Variants in ST18 observed in about 807,000 individuals in gnomAD.
ST18 encodes the protein suppression of tumorigenicity 18 protein.
In ST18, 50 loss-of-function variants were observed where a neutral mutation model predicts 110.0. The observed-to-expected ratio is 0.45, with a 90% CI of 0.36 to 0.58. The LOEUF is 0.58. Among genes scored for constraint, ST18 ranks in the 20% least tolerant of loss-of-function variants. ST18 has a pLI of 0.00. For missense variants in ST18, 1,306 were observed against 1,280.1 expected, an observed-to-expected ratio of 1.02 and a Z score of -0.31; for synonymous variants, 461 against 452.4, an observed-to-expected ratio of 1.02 and a Z score of -0.24.
At chr8:52,358,791 G>T (rs1824326803) in intron 2 of ST18, among the ~76,000 whole-genome samples, 1 of 151,650 alleles carries the variant, frequency 6.6e-6, no homozygotes, top group African/African-American at 2.4e-5. Context: ...ATTTAAAGAA[G>T]AATTAACCCC....
At position 52,133,147 on chromosome 8, in the gene ST18, G is replaced by A. The variant is rs2050417190; in HGVS notation, c.2364-10C>T. 1 of 1,613,992 alleles carries A rather than the reference G, an allele frequency of 6.2e-7. No homozygotes were observed. Among genetic ancestry groups the A allele is most frequent in the African/African-American group, 1.3e-5 (1 of 74,882 alleles). ...AGGGCATCCGGACAAGCTGAAATAGGGACCCGACAAAGAACAAAGCAAAAT... is the reference window on the plus strand; with the variant it reads ...AGGGCATCCGGACAAGCTGAAATAGAGACCCGACAAAGAACAAAGCAAAAT... On this transcript the variant is annotated splice_polypyrimidine_tract_variant and intron_variant, in intron 20 of 25. Coordinates refer to ENST00000689386, the MANE Select transcript of ST18 (RefSeq NM_001352837.2).
At position 52,271,182 on chromosome 8, in the gene ST18, T is replaced by C. The variant is rs532298424; in HGVS notation, c.-464-41105A>G. On this transcript the variant is annotated intron_variant, in intron 2 of 25. Transcript: ENST00000689386. ...CAAATAGGGTTATACATTTTTAAAG[T>C]CTCTTTCCTTATTTATAATTATCTC... Among the ~76,000 whole-genome samples the C allele has an allele frequency of 3.3e-5, 5 of 152,288 alleles. No homozygotes were observed. The East Asian group carries it at 9.7e-4, about 29-fold the overall frequency.
chr8:52,110,928 G>C lies in ST18; in HGVS notation c.*2270C>G, dbSNP rs2040367618. 7.6e-6 allele frequency: 3 copies of C among 396,760 alleles called. No homozygotes were observed. The highest frequency in any genetic ancestry group is 1.3e-5 in the Non-Finnish European group (3 of 224,856). The allele number at this position is 396,760 out of a possible 1,614,324, so 24.6% of individuals were successfully genotyped here. On this transcript the variant is annotated 3_prime_UTR_variant, in exon 26 of 26. Coordinates refer to ENST00000689386, the MANE Select transcript of ST18 (RefSeq NM_001352837.2). ...TGATGTAAGAAATATTAAGTGTTTG[G>C]AGAAACAGTATACAAACAAACTACC...
At chr8:52,156,978 G>T (rs775088352) in intron 15 of ST18, among the ~76,000 whole-genome samples, 3 of 152,138 alleles carry the variant, frequency 2.0e-5, no homozygotes, top group African/African-American at 7.2e-5. Flanking sequence ...CTGCGGTTAA[G>T]ACTTGGTTGG....
In ST18 at chr8:52,292,461, T is replaced by C. The variant is rs146239171; in HGVS notation, c.-464-62384A>G. Among the ~76,000 whole-genome samples, 92 of 152,320 alleles carry C rather than the reference T, an allele frequency of 6.0e-4. 3 individuals are homozygous for C. The East Asian group carries it at 0.014, about 23-fold the overall frequency. Reference sequence around the variant, plus strand: ...TGTGCATGAACTATCTGCTAGGAGATGTGATGATACTAGAAGATATTATTT... The same window carrying C: ...TGTGCATGAACTATCTGCTAGGAGACGTGATGATACTAGAAGATATTATTT... On this transcript the variant is annotated intron_variant, in intron 2 of 25. Transcript: ENST00000689386.
chr8:52,263,271 T>C (rs2094755120), intron 2 of ST18, among the ~76,000 whole-genome samples: 1 of 152,226 alleles, frequency 6.6e-6, no homozygotes, highest in South Asian at 2.1e-4. Context: ...CAGGTAGATA[T>C]ACAGATAGCT....
At chr8:52,223,215 G>A (rs1270281554) in intron 3 of ST18, among the ~76,000 whole-genome samples, 1 of 152,118 alleles carries the variant, frequency 6.6e-6, no homozygotes, top group East Asian at 1.9e-4. Flanking sequence ...GTGCTACAAG[G>A]TAATGAGTCT....
chr8:52,133,932 T>A (rs2050896142), intron 19 of ST18, among the ~76,000 whole-genome samples: 1 of 152,130 alleles, frequency 6.6e-6, no homozygotes, highest in Non-Finnish European at 1.5e-5. Context: ...GGTTTCACCA[T>A]GTTGGCCAGG....
intron 8 of ST18, among the ~76,000 whole-genome samples, chr8:52,180,670 A>T (rs2069079336): frequency 6.7e-6 from 1 of 149,520 alleles, no homozygotes; most frequent in African/African-American, 2.4e-5. Flanking sequence ...ACCAGATACA[A>T]AAAAAAAATG....
chr8:52,186,444 T>C (rs544028640), intron 8 of ST18, among the ~76,000 whole-genome samples: 1 of 152,286 alleles, frequency 6.6e-6, no homozygotes, highest in East Asian at 1.9e-4. Context: ...CTCAGGCAAC[T>C]GGAACGCTCA....
At chr8:52,161,299 C>T in intron 14 of ST18, 76 bp downstream of exon 14, 1 of 1,474,874 alleles carries the variant, frequency 6.8e-7, no homozygotes, top group Non-Finnish European at 9.2e-7. Context: ...AAGTACAGCC[C>T]CCTGGCCCCC....
chr8:52,382,877 G>A lies in ST18; in HGVS notation c.-465+26451C>T, dbSNP rs545661103. On this transcript the variant is annotated intron_variant, in intron 2 of 25. Coordinates refer to ENST00000689386, the MANE Select transcript of ST18 (RefSeq NM_001352837.2). ...AGGAGAGATGGCTCTCGGGGGACAC[G>A]CCCTAGGGAAGTGGACATTCTGTGA... Among the ~76,000 whole-genome samples the A allele has an allele frequency of 3.3e-5, 5 of 151,852 alleles. No homozygotes were observed. In the South Asian group the frequency reaches 8.4e-4, roughly 25 times the overall value.
In ST18 at chr8:52,394,708, C is replaced by A. The variant is rs180796590; in HGVS notation, c.-465+14620G>T. On this transcript the variant is annotated intron_variant, in intron 2 of 25. Coordinates refer to ENST00000689386, the MANE Select transcript of ST18 (RefSeq NM_001352837.2). ...CTTGCCACAAAATGAACACTGAGGGCAACCTAGCACCTGATATTGTGCCTG... is the reference window on the plus strand; with the variant it reads ...CTTGCCACAAAATGAACACTGAGGGAAACCTAGCACCTGATATTGTGCCTG... Among the ~76,000 whole-genome samples the A allele has an allele frequency of 1.2e-4, 19 of 152,332 alleles. No individual in the cohort carries two copies. In the East Asian group the frequency reaches 3.7e-3, roughly 29 times the overall value.
At chr8:52,122,585 C>A (rs545611827) in intron 23 of ST18, among the ~76,000 whole-genome samples, 2 of 152,002 alleles carry the variant, frequency 1.3e-5, no homozygotes, top group Non-Finnish European at 2.9e-5. Flanking sequence ...TGAGTTCAAG[C>A]GATTCTCCTG....
At chr8:52,367,270 A>ACACACACACAC (rs55935866) in intron 2 of ST18, among the ~76,000 whole-genome samples, 22 of 150,812 alleles carry the variant, frequency 1.5e-4, no homozygotes, top group South Asian at 4.3e-4. Flanking sequence ...ACACACACAC[A>ACACACACACAC]AAGATTTTAC....
intron 2 of ST18, among the ~76,000 whole-genome samples, chr8:52,331,492 T>C (rs16917708): frequency 0.012 from 1,875 of 152,168 alleles, 24 homozygotes; most frequent in African/African-American, 0.044. Flanking sequence ...AGACTTGACA[T>C]ACCCAGCCCG....
intron 2 of ST18, among the ~76,000 whole-genome samples, chr8:52,348,341 A>G (rs1406327647): frequency 6.6e-6 from 1 of 152,210 alleles, no homozygotes; most frequent in Non-Finnish European, 1.5e-5. Flanking sequence ...TGCTTTGAAC[A>G]AGAGAAAGCC....
Position 52,132,121 on chromosome 8 carries a change from G to A in ST18, c.2503C>T (p.Arg835Cys), listed in dbSNP as rs141541774. 3.4e-5 allele frequency: 55 copies of A among 1,614,064 alleles called. No individual in the cohort carries two copies. Among genetic ancestry groups the A allele is most frequent in the Admixed American group, 2.5e-4 (15 of 60,018 alleles). The stretch of plus-strand genomic sequence containing the variant: ...GCCAGAGGACAGCCAGAAGCTGTGC[G>A]GTGTGATGTGTATTTACCTGATATG... ...GHISGKYTSH[R>C]TASGCPLAAK... The change falls in exon 22 of 26, where the codon CGC (arginine) becomes TGC (cysteine). Residue 835 changes from arginine (R) to cysteine (C), a missense_variant. By Grantham distance (180) the Arg-to-Cys change is radical. Transcript: ENST00000689386.
At chr8:52,149,138 C>T (rs769360172) in intron 16 of ST18, among the ~76,000 whole-genome samples, 8 of 152,236 alleles carry the variant, frequency 5.3e-5, no homozygotes, top group Non-Finnish European at 7.3e-5. Flanking sequence ...AATTCCTGCA[C>T]TGTCGCACCA....
Sources: gnomAD v4.1 joint callset for allele counts (sites outside exome capture counted in the v4.1 genomes callset) on GRCh38, gnomAD v4.1.1 for gene constraint, MANE v1.5 for transcripts, NCBI Gene and HGNC (gene_info 2026-07-23, HGNC 2026-07-21) for gene names.